KCNT2: variants seen among roughly 807,000 people sequenced by gnomAD.
The protein encoded by KCNT2 is potassium sodium-activated channel subfamily T member 2.
KCNT2 carries 67 observed loss-of-function variants against 153.8 expected under a neutral mutation model. The ratio of observed to expected loss-of-function variants is 0.44; its 90% CI spans 0.36 to 0.53. The LOEUF (loss-of-function observed/expected upper bound fraction) is 0.53, where lower values mean the gene tolerates loss of function less well. Among genes scored for constraint, KCNT2 ranks in the 20% least tolerant of loss-of-function variants. The probability of loss-of-function intolerance (pLI) is 0.00; values close to 1 mark genes in which losing one functional copy is unlikely to be tolerated. For synonymous variants in KCNT2, 500 were observed against 458.8 expected, an observed-to-expected ratio of 1.09 and a Z score of -1.15; for missense variants, 975 against 1,354.8, an observed-to-expected ratio of 0.72 and a Z score of 4.40.
At chr1:196,363,754 A>G (rs146131381) in intron 14 of KCNT2, among the ~76,000 whole-genome samples, 2 of 152,278 alleles carry the variant, frequency 1.3e-5, no homozygotes, top group Non-Finnish European at 2.9e-5. Flanking sequence ...CAAGAAAATA[A>G]ATCTGTCTTT....
intron 26 of KCNT2, among the ~76,000 whole-genome samples, chr1:196,237,794 A>T (rs1654576658): frequency 6.6e-6 from 1 of 151,860 alleles, no homozygotes; most frequent in Non-Finnish European, 1.5e-5. Context: ...TGGCTAAGTT[A>T]ACTGTCTGGA....
At chr1:196,450,945 T>G (rs1213355685) in intron 8 of KCNT2, among the ~76,000 whole-genome samples, 2 of 152,054 alleles carry the variant, frequency 1.3e-5, no homozygotes, top group African/African-American at 4.8e-5. Flanking sequence ...ATTCAAATTC[T>G]ACTTCTGTAG....
intron 26 of KCNT2, among the ~76,000 whole-genome samples, chr1:196,237,659 G>A (rs186557105): frequency 6.6e-6 from 1 of 151,854 alleles, no homozygotes; most frequent in African/African-American, 2.4e-5. Flanking sequence ...TAGAATAAAT[G>A]TATCCCAAAT....
At chr1:196,580,377 C>T (rs1661885606) in intron 1 of KCNT2, among the ~76,000 whole-genome samples, 2 of 152,046 alleles carry the variant, frequency 1.3e-5, no homozygotes, top group African/African-American at 4.8e-5. Context: ...AAGAGAACCA[C>T]GGAGGATCTG....
In KCNT2 at chr1:196,429,757, G is replaced by T; in HGVS notation, c.639C>A (p.Cys213Ter). Residue 213 changes from cysteine to a stop codon, truncating the protein, a stop_gained and splice_region_variant, in exon 9 of 28, where the codon TGC (cysteine) becomes TGA (stop). Coordinates refer to ENST00000294725, the MANE Select transcript of KCNT2 (RefSeq NM_198503.5). LOFTEE classifies it high-confidence loss of function. ...ISTLLCLIFT[C>*]ICGIQHLERI... ...GTTCCAGATGTTGGATCCCACAAAT[G>T]CTAAAGAAACAAATATGCATTACAA... 1 of 1,585,908 alleles carries T rather than the reference G, an allele frequency of 6.3e-7. No homozygotes were observed. Among genetic ancestry groups the T allele is most frequent in the Non-Finnish European group, 8.6e-7 (1 of 1,166,798 alleles).
At chr1:196,432,239 T>C (rs968748954) in intron 8 of KCNT2, among the ~76,000 whole-genome samples, 3 of 152,114 alleles carry the variant, frequency 2.0e-5, no homozygotes, top group African/African-American at 7.2e-5. Flanking sequence ...ATGGTGACCT[T>C]TCCTCTAGAT....
intron 1 of KCNT2, among the ~76,000 whole-genome samples, chr1:196,520,733 C>T (rs972055848): frequency 6.6e-6 from 1 of 152,132 alleles, no homozygotes. Context: ...ACTGGAATAA[C>T]TGGCTAGCCA....
At chr1:196,532,673 C>A (rs1050910658) in intron 1 of KCNT2, among the ~76,000 whole-genome samples, 51 of 151,924 alleles carry the variant, frequency 3.4e-4, no homozygotes, top group Middle Eastern at 3.2e-3. Flanking sequence ...TGAACTCTAG[C>A]GTGTTTAATG....
chr1:196,399,906 A>G (rs1671265355), intron 12 of KCNT2, among the ~76,000 whole-genome samples: 1 of 151,868 alleles, frequency 6.6e-6, no homozygotes, highest in Non-Finnish European at 1.5e-5. Flanking sequence ...TCTTTATCAG[A>G]CATTGAGTCA....
intron 4 of KCNT2, among the ~76,000 whole-genome samples, chr1:196,479,660 C>G (rs1678843949): frequency 6.6e-6 from 1 of 152,144 alleles, no homozygotes; most frequent in South Asian, 2.1e-4. Flanking sequence ...ATCCACCCTA[C>G]TCAGCATTCC....
At chr1:196,600,057 A>G (rs1664543881) in intron 1 of KCNT2, among the ~76,000 whole-genome samples, 1 of 152,174 alleles carries the variant, frequency 6.6e-6, no homozygotes, top group Non-Finnish European at 1.5e-5. Flanking sequence ...ATTATACTAC[A>G]TGTAAGACTT....
chr1:196,330,441 C>T (rs1198601576), intron 18 of KCNT2, among the ~76,000 whole-genome samples: 5 of 151,874 alleles, frequency 3.3e-5, no homozygotes, highest in African/African-American at 9.7e-5. Context: ...AGATTTTTAA[C>T]TGTAACTTCA....
At chr1:196,481,703 A>G (rs1679034152) in intron 4 of KCNT2, among the ~76,000 whole-genome samples, 1 of 152,214 alleles carries the variant, frequency 6.6e-6, no homozygotes, top group Non-Finnish European at 1.5e-5. Context: ...CATGAAATTC[A>G]GTAGGAAACA....
intron 1 of KCNT2, among the ~76,000 whole-genome samples, chr1:196,528,158 C>T (rs1187111256): frequency 6.6e-6 from 1 of 152,272 alleles, no homozygotes; most frequent in East Asian, 1.9e-4. Flanking sequence ...AATTTGTTTA[C>T]TTCACTCATG....
At chr1:196,580,409 T>A (rs978629129) in intron 1 of KCNT2, among the ~76,000 whole-genome samples, 10 of 152,092 alleles carry the variant, frequency 6.6e-5, no homozygotes, top group African/African-American at 2.2e-4. Flanking sequence ...TTCCACAGCA[T>A]AACCTGGACC....
chr1:196,540,014 A>G (rs1263141347), intron 1 of KCNT2, among the ~76,000 whole-genome samples: 2 of 152,092 alleles, frequency 1.3e-5, no homozygotes, highest in Admixed American at 1.3e-4. Context: ...GTATGATCAA[A>G]TTTGAAGAAT....
chr1:196,515,538 A>G (rs1452552873), intron 1 of KCNT2, among the ~76,000 whole-genome samples: 1 of 152,180 alleles, frequency 6.6e-6, no homozygotes, highest in Non-Finnish European at 1.5e-5. Context: ...TTAAAGCCTA[A>G]CTGTAGAAGA....
chr1:196,419,313 C>T (rs1185086788), intron 12 of KCNT2, among the ~76,000 whole-genome samples: 1 of 130,404 alleles, frequency 7.7e-6, no homozygotes, highest in African/African-American at 2.9e-5. Context: ...TCTCCTAATG[C>T]TATCCCTCCC....
chr1:196,459,923 C>T lies in KCNT2; in HGVS notation c.638+5370G>A, dbSNP rs150252178. ...AAATCAGGGAAACTGATTTGAACCT[C>T]TCTCTTTGATGGCCAATTTTTCAAT... is the stretch of plus-strand genomic sequence containing the variant. On this transcript the variant is annotated intron_variant, in intron 8 of 27. Coordinates refer to ENST00000294725, the MANE Select transcript of KCNT2 (RefSeq NM_198503.5). Among the ~76,000 whole-genome samples the T allele has an allele frequency of 2.0e-4, 30 of 151,924 alleles. No homozygotes were observed. The East Asian group carries it at 5.6e-3, about 29-fold the overall frequency.
Sources: gnomAD v4.1 joint callset for allele counts (sites outside exome capture counted in the v4.1 genomes callset) on GRCh38, gnomAD v4.1.1 for gene constraint, MANE v1.5 for transcripts, NCBI Gene and HGNC (gene_info 2026-07-23, HGNC 2026-07-21) for gene names.